The following NKAIN3 variants were observed in gnomAD, a reference collection of about 807,000 sequenced individuals.
NKAIN3 encodes the protein sodium/potassium-transporting ATPase subunit beta-1-interacting protein 3.
NKAIN3 carries 25 observed loss-of-function variants against 30.2 expected under a neutral mutation model. The observed-to-expected ratio is 0.83, with a 90% CI of 0.60 to 1.16. The LOEUF (loss-of-function observed/expected upper bound fraction) is 1.16. NKAIN3 is among the 50% of genes most tolerant of loss of function. The pLI, the probability that NKAIN3 is intolerant of heterozygous loss-of-function variation, is 0.00. For synonymous variants in NKAIN3, 91 were observed against 89.6 expected (o/e 1.02, Z -0.09); for missense variants, 225 against 254.1 (o/e 0.89, Z 0.78).
chr8:62,273,939 T>TGCTGA (rs1812850707), intron 1 of NKAIN3, among the ~76,000 whole-genome samples: 1 of 152,146 alleles, frequency 6.6e-6, no homozygotes, highest in Non-Finnish European at 1.5e-5. Flanking sequence ...CTGGGCCAGG[T>TGCTGA]GCTGACCTCC....
At chr8:62,427,013 A>T (rs986589961) in intron 1 of NKAIN3, among the ~76,000 whole-genome samples, 5 of 152,010 alleles carry the variant, frequency 3.3e-5, no homozygotes, top group African/African-American at 1.2e-4. Context: ...GGTGATACCC[A>T]TAGAGCAGCA....
Position 62,779,787 on chromosome 8 carries a change from A to C in NKAIN3, c.471+32658A>C, listed in dbSNP as rs116397026. Among the ~76,000 whole-genome samples, 817 of 152,286 alleles carry C rather than the reference A, an allele frequency of 5.4e-3. 3 individuals carry two copies. Among genetic ancestry groups the C allele is most frequent in the African/African-American group, 0.018 (756 of 41,568 alleles). ...ATCTTCTCATACCACAATGGAACAAAACTAGAAATCAAAACAGTGGTAAAA... is the reference window on the plus strand; with the variant it reads ...ATCTTCTCATACCACAATGGAACAACACTAGAAATCAAAACAGTGGTAAAA... On this transcript the variant is annotated intron_variant, in intron 4 of 6. Coordinates refer to ENST00000623646, the MANE Select transcript of NKAIN3 (RefSeq NM_001304533.3).
At chr8:62,655,631 G>T (rs1468510543) in intron 3 of NKAIN3, among the ~76,000 whole-genome samples, 1 of 152,114 alleles carries the variant, frequency 6.6e-6, no homozygotes, top group Non-Finnish European at 1.5e-5. Flanking sequence ...CAACTATGTT[G>T]GTGATAGTCT....
At chr8:62,963,650 C>T (rs569115467) in intron 6 of NKAIN3, among the ~76,000 whole-genome samples, 28 of 152,288 alleles carry the variant, frequency 1.8e-4, no homozygotes, top group African/African-American at 6.7e-4. Context: ...CCATTATAAT[C>T]CCATCCCTTT....
At chr8:62,462,806 A>G (rs1806037843) in intron 1 of NKAIN3, among the ~76,000 whole-genome samples, 1 of 152,220 alleles carries the variant, frequency 6.6e-6, no homozygotes, top group Non-Finnish European at 1.5e-5. Flanking sequence ...TGACACAGTG[A>G]ACCAGGCTGA....
intron 1 of NKAIN3, among the ~76,000 whole-genome samples, chr8:62,354,676 C>G (rs977093748): frequency 3.3e-5 from 5 of 152,168 alleles, no homozygotes; most frequent in Non-Finnish European, 5.9e-5. Context: ...CTCCTGACCT[C>G]AGGTGATCAA....
At chr8:62,412,909 C>CAAAAAAAAAAAAAAAAA (rs71501599) in intron 1 of NKAIN3, among the ~76,000 whole-genome samples, 1 of 97,924 alleles carries the variant, frequency 1.0e-5, no homozygotes, top group Non-Finnish European at 2.0e-5. Context: ...GAGACTCCGT[C>CAAAAAAAAAAAAAAAAA]AAAAAAAAAA....
intron 4 of NKAIN3, among the ~76,000 whole-genome samples, chr8:62,878,137 T>C (rs1280315838): frequency 6.6e-6 from 1 of 152,140 alleles, no homozygotes; most frequent in Non-Finnish European, 1.5e-5. Context: ...GTTTCAATCT[T>C]CTCATTTTCT....
chr8:62,573,204 A>G (rs1461612538), intron 1 of NKAIN3, among the ~76,000 whole-genome samples: 1 of 152,138 alleles, frequency 6.6e-6, no homozygotes, highest in East Asian at 1.9e-4. Flanking sequence ...GTCAAATAAC[A>G]CTAATATTTT....
intron 5 of NKAIN3, among the ~76,000 whole-genome samples, chr8:62,938,538 C>A (rs553606192): frequency 6.6e-6 from 1 of 151,620 alleles, no homozygotes; most frequent in East Asian, 1.9e-4. Flanking sequence ...TGCTAGTAAC[C>A]ATGGCTAAGT....
intron 1 of NKAIN3, among the ~76,000 whole-genome samples, chr8:62,456,852 C>G (rs529204712): frequency 2.8e-4 from 43 of 152,356 alleles, no homozygotes; most frequent in African/African-American, 9.9e-4. Context: ...ACCCAGCCTT[C>G]GTTAGAACGA....
intron 1 of NKAIN3, among the ~76,000 whole-genome samples, chr8:62,492,700 T>C (rs1807110106): frequency 6.6e-6 from 1 of 152,148 alleles, no homozygotes; most frequent in African/African-American, 2.4e-5. Context: ...TTTTGCAGCT[T>C]CATGTGAATA....
Position 62,968,300 on chromosome 8 carries a change from A to C in NKAIN3, c.*2893A>C, listed in dbSNP as rs1823756450. On this transcript the variant is annotated 3_prime_UTR_variant, in exon 7 of 7. Transcript: ENST00000623646. ...TTAATCTGGGTAATTCCAATGAAGT[A>C]CTGTCACAGTTACTGTTCCATGGAA... Among the ~76,000 whole-genome samples the C allele has an allele frequency of 6.6e-6, 1 of 152,214 alleles. No homozygotes were observed. The highest frequency in any genetic ancestry group is 1.5e-5 in the Non-Finnish European group (1 of 68,030).
chr8:62,363,815 A>G lies in NKAIN3; in HGVS notation c.54+114688A>G, dbSNP rs867102327. Among the ~76,000 whole-genome samples the G allele has an allele frequency of 3.3e-5, 5 of 149,778 alleles. No individual in the cohort carries two copies. The East Asian group carries it at 5.9e-4, about 18-fold the overall frequency. On this transcript the variant is annotated intron_variant, in intron 1 of 6. Coordinates refer to ENST00000623646, the MANE Select transcript of NKAIN3 (RefSeq NM_001304533.3). ...CATAAATTCTGTTGGTGAATCTGCT[A>G]TCTCAGTGACTAGCTCTATTTGAAA...
chr8:62,926,605 A>G (rs1822453300), intron 5 of NKAIN3, among the ~76,000 whole-genome samples: 2 of 152,198 alleles, frequency 1.3e-5, no homozygotes, highest in Admixed American at 1.3e-4. Context: ...TAGAGAACTT[A>G]GAGTTTCTAT....
chr8:62,464,775 C>T (rs1563410634), intron 1 of NKAIN3, among the ~76,000 whole-genome samples: 2 of 152,292 alleles, frequency 1.3e-5, no homozygotes, highest in East Asian at 3.9e-4. Context: ...TAGAATCTTT[C>T]TTGATACTAT....
intron 5 of NKAIN3, 89 bp downstream of exon 5, chr8:62,918,602 C>A (rs755126755): frequency 1.7e-5 from 15 of 885,272 alleles, no homozygotes; most frequent in Admixed American, 7.4e-5. Flanking sequence ...GAAATGAAAT[C>A]TTTTATATTT....
At chr8:62,255,554 C>T (rs1812237054) in intron 1 of NKAIN3, among the ~76,000 whole-genome samples, 1 of 152,136 alleles carries the variant, frequency 6.6e-6, no homozygotes, top group Non-Finnish European at 1.5e-5. Flanking sequence ...ACCCTAGGAA[C>T]TTAATACAGA....
chr8:62,866,092 A>T (rs182458130), intron 4 of NKAIN3, among the ~76,000 whole-genome samples: 1 of 152,346 alleles, frequency 6.6e-6, no homozygotes, highest in Non-Finnish European at 1.5e-5. Flanking sequence ...CATATTTTTA[A>T]AAGTATTTTT....
Sources: allele counts gnomAD v4.1 joint callset (sites outside exome capture counted in the v4.1 genomes callset), GRCh38; gene constraint gnomAD v4.1.1; transcripts MANE v1.5; gene names NCBI Gene and HGNC (gene_info 2026-07-23, HGNC 2026-07-21).